The following PDK1 variants were observed in gnomAD, a reference collection of about 807,000 sequenced individuals.
The protein encoded by PDK1 is [Pyruvate dehydrogenase (acetyl-transferring)] kinase isozyme 1, mitochondrial.
In PDK1, 39 loss-of-function variants were observed where a neutral mutation model predicts 54.2. The ratio of observed to expected loss-of-function variants is 0.72; its 90% confidence interval spans 0.56 to 0.94. The LOEUF (loss-of-function observed/expected upper bound fraction) is 0.94, where lower values mean the gene tolerates loss of function less well. PDK1 is among the 40% of genes least tolerant of loss of function. The pLI, the probability that PDK1 is intolerant of heterozygous loss-of-function variation, is 0.00. For missense variants in PDK1, 552 were observed against 566.0 expected (o/e 0.98, Z 0.25); for synonymous variants, 221 against 207.1 (o/e 1.07, Z -0.58).
downstream of PDK1, among the ~76,000 whole-genome samples, chr2:172,611,449 T>C (rs1012077425): frequency 6.6e-6 from 1 of 152,062 alleles, no homozygotes; most frequent in Non-Finnish European, 1.5e-5. Context: ...CTATCAAACA[T>C]TTAAAAAAAA....
the PDK1 span, among the ~76,000 whole-genome samples, chr2:172,622,430 TATGTTTATATCTCATATATTATGTGAG>T: frequency 4.7e-5 from 7 of 149,218 alleles, no homozygotes; most frequent in African/African-American, 1.7e-4. Context: ...TCATGTGAGA[TATGTTTATATCTCATATATTATGTGAG>T]ATGTTTATAT....
the PDK1 span, among the ~76,000 whole-genome samples, chr2:172,634,453 A>G: frequency 0.016 from 2,380 of 151,574 alleles, 62 homozygotes; most frequent in African/African-American, 0.055. Flanking sequence ...TTGTATTTTT[A>G]GTAGAGACAG....
At chr2:172,647,569 A>T in the PDK1 span, among the ~76,000 whole-genome samples, 122,429 of 152,076 alleles carry the variant, frequency 0.81, 49,511 homozygotes, top group African/African-American at 0.88. Context: ...CATGAGTCCA[A>T]ACTTACATAA....
rs1041489556 is a variant in PDK1 at position 172,603,442 on chromosome 2, A to T, written c.*7473A>T. The T allele has an allele frequency of 1.3e-5, 2 of 152,226 alleles. No homozygotes were observed. Among genetic ancestry groups the T allele is most frequent in the Non-Finnish European group, 2.9e-5 (2 of 68,040 alleles). The allele number at this position is 152,226 out of a possible 1,614,324, so 9.4% of individuals were successfully genotyped here. On this transcript the variant is annotated 3_prime_UTR_variant, in exon 11 of 11. Coordinates refer to ENST00000282077, the MANE Select transcript of PDK1 (RefSeq NM_002610.5). The stretch of plus-strand genomic sequence containing the variant: ...GGAAATCCTGATAATTGGCTAATGC[A>T]AGGAAGTGATACCCATGTGTAATGC...
the PDK1 span, among the ~76,000 whole-genome samples, chr2:172,711,256 G>C: frequency 1.3e-5 from 2 of 152,262 alleles, no homozygotes; most frequent in African/African-American, 4.8e-5. Flanking sequence ...GTGTCAGTGT[G>C]TTTCCAGAAC....
At chr2:172,666,339 G>A in the PDK1 span, among the ~76,000 whole-genome samples, 1 of 152,152 alleles carries the variant, frequency 6.6e-6, no homozygotes, top group Non-Finnish European at 1.5e-5. Flanking sequence ...ACAGATGTTG[G>A]AAATAAATTT....
chr2:172,556,071 G>C (rs973318213), upstream of PDK1: 20 of 1,110,620 alleles, frequency 1.8e-5, no homozygotes, highest in African/African-American at 2.8e-4. Flanking sequence ...CCTGCTGCCC[G>C]CCACGTCCCT....
chr2:172,640,847 A>T, the PDK1 span, among the ~76,000 whole-genome samples: 1 of 152,196 alleles, frequency 6.6e-6, no homozygotes, highest in Middle Eastern at 3.2e-3. Context: ...TTTCACATGG[A>T]TACACAGTAG....
rs1691083084 is a variant in PDK1 at position 172,600,683 on chromosome 2, C to T, written c.*4714C>T. ...AAATGTCAGGGTTTTTATAAATGGG[C>T]TAGTGAGGAGGGGGCTCATGAGGAG... On this transcript the variant is annotated 3_prime_UTR_variant, in exon 11 of 11. Coordinates refer to ENST00000282077, the MANE Select transcript of PDK1 (RefSeq NM_002610.5). 6.6e-6 allele frequency: 1 copy of T among 152,206 alleles called. No individual in the cohort carries two copies. The highest frequency in any genetic ancestry group is 2.1e-4 in the South Asian group (1 of 4,822). The allele number at this position is 152,206 out of a possible 1,614,324, so 9.4% of individuals were successfully genotyped here. A position where few individuals can be genotyped will look rare whatever the true frequency, so the allele number is the denominator to read the frequency against.
the PDK1 span, among the ~76,000 whole-genome samples, chr2:172,694,776 C>A: frequency 5.3e-5 from 8 of 152,208 alleles, no homozygotes; most frequent in African/African-American, 1.9e-4. Context: ...ATACATAGCT[C>A]TCATTTGTTT....
the PDK1 span, among the ~76,000 whole-genome samples, chr2:172,662,493 C>CGTGTGT: frequency 0.13 from 19,368 of 143,558 alleles, 1,554 homozygotes; most frequent in South Asian, 0.24. Flanking sequence ...TTTTTAAAAT[C>CGTGTGT]GTGTGTGTGT....
chr2:172,723,031 G>A, the PDK1 span, among the ~76,000 whole-genome samples: 1 of 152,102 alleles, frequency 6.6e-6, no homozygotes, highest in East Asian at 1.9e-4. Context: ...GATTTTAATT[G>A]TTGGGATTGT....
the PDK1 span, among the ~76,000 whole-genome samples, chr2:172,670,741 G>C: frequency 2.6e-5 from 4 of 152,148 alleles, no homozygotes; most frequent in Non-Finnish European, 5.9e-5. Flanking sequence ...AAAAGTATTT[G>C]TATGGTGTAT....
At chr2:172,695,143 C>T in the PDK1 span, among the ~76,000 whole-genome samples, 1 of 151,962 alleles carries the variant, frequency 6.6e-6, no homozygotes, top group African/African-American at 2.4e-5. Context: ...AAAAGTTTAG[C>T]GATGTTTTTT....
the PDK1 span, among the ~76,000 whole-genome samples, chr2:172,656,128 A>T: frequency 6.6e-6 from 1 of 152,280 alleles, no homozygotes; most frequent in East Asian, 1.9e-4. Context: ...AAGACCTGAG[A>T]TTATCCTCAA....
chr2:172,637,769 C>T, the PDK1 span, among the ~76,000 whole-genome samples: 1 of 152,152 alleles, frequency 6.6e-6, no homozygotes, highest in Non-Finnish European at 1.5e-5. Context: ...AATCTTGGCT[C>T]ACTGCAACCT....
chr2:172,601,212 G>T lies in PDK1; in HGVS notation c.*5243G>T, dbSNP rs1408162656. ...AATGACTCAGTACAACAAAGAAACT[G>T]AGTAGTAACCAGTGCAAAACTAGCA... is the stretch of plus-strand genomic sequence containing the variant. On this transcript the variant is annotated 3_prime_UTR_variant, in exon 11 of 11. Transcript: ENST00000282077. The T allele has an allele frequency of 6.6e-6, 1 of 152,102 alleles. No individual in the cohort carries two copies. Among genetic ancestry groups the T allele is most frequent in the Admixed American group, 6.6e-5 (1 of 15,258 alleles). 9.4% of individuals were successfully genotyped at this position (152,102 alleles called of 1,614,324 possible).
At chr2:172,692,795 C>T in the PDK1 span, among the ~76,000 whole-genome samples, 10,861 of 152,194 alleles carry the variant, frequency 0.071, 582 homozygotes, top group Non-Finnish European at 0.11. Context: ...TACCCATATT[C>T]CTTGGTCAGA....
At chr2:172,667,760 A>G in the PDK1 span, among the ~76,000 whole-genome samples, 4 of 152,206 alleles carry the variant, frequency 2.6e-5, no homozygotes, top group Non-Finnish European at 5.9e-5. Context: ...TCACCATCAC[A>G]TACTAACACA....
Sources: allele counts gnomAD v4.1 joint callset (sites outside exome capture counted in the v4.1 genomes callset), GRCh38; gene constraint gnomAD v4.1.1; transcripts MANE v1.5; gene names NCBI Gene and HGNC (gene_info 2026-07-23, HGNC 2026-07-21).